The following RGS9 variants were observed in gnomAD, a reference collection of about 807,000 sequenced individuals.
The protein encoded by RGS9 is regulator of G protein signaling 9.
In RGS9, 78 loss-of-function variants were observed where a neutral mutation model predicts 102.0. The ratio of observed to expected loss-of-function variants is 0.76; its 90% CI spans 0.64 to 0.92. RGS9 has a LOEUF of 0.92. RGS9 is among the 40% of genes least tolerant of loss of function. RGS9 has a pLI of 0.00. For missense variants in RGS9, 833 were observed against 866.1 expected (o/e 0.96, Z 0.48); for synonymous variants, 353 against 318.6 (o/e 1.11, Z -1.15).
chr17:65,213,023 G>A (rs1338475434), intron 17 of RGS9, among the ~76,000 whole-genome samples: 2 of 152,202 alleles, frequency 1.3e-5, no homozygotes, highest in Non-Finnish European at 2.9e-5. Flanking sequence ...AAGCCTCCTG[G>A]TTCCTGTTCC....
At chr17:65,215,329 G>A (rs920264878) in intron 17 of RGS9, among the ~76,000 whole-genome samples, 3 of 152,136 alleles carry the variant, frequency 2.0e-5, no homozygotes, top group African/African-American at 7.2e-5. Context: ...CAAGGGTGAT[G>A]TTAAGAAAGG....
chr17:65,212,696 C>A (rs187447828), intron 17 of RGS9, among the ~76,000 whole-genome samples: 1 of 152,272 alleles, frequency 6.6e-6, no homozygotes, highest in East Asian at 1.9e-4. Flanking sequence ...ATGATTCTAG[C>A]CCAGAAGAGG....
At chr17:65,152,099 G>A (rs1471494009) in intron 1 of RGS9, among the ~76,000 whole-genome samples, 1 of 152,218 alleles carries the variant, frequency 6.6e-6, no homozygotes, top group East Asian at 1.9e-4. Context: ...AGTGCCAAGG[G>A]TGGAGTTCAG....
chr17:65,204,425 A>G, intron 15 of RGS9, 124 bp downstream of exon 15: 1 of 1,210,568 alleles, frequency 8.3e-7, no homozygotes, highest in South Asian at 1.3e-5. Flanking sequence ...CGGTTGTGGC[A>G]TGCAGCTAAG....
chr17:65,219,919 CCAT>C (rs1913645119), intron 17 of RGS9, among the ~76,000 whole-genome samples: 1 of 151,866 alleles, frequency 6.6e-6, no homozygotes. Context: ...ACCATCACCA[CCAT>C]ATCATTATTA....
chr17:65,218,105 A>G (rs1913578212), intron 17 of RGS9, among the ~76,000 whole-genome samples: 1 of 152,176 alleles, frequency 6.6e-6, no homozygotes, highest in South Asian at 2.1e-4. Context: ...GAGAGGGAAG[A>G]AGTGTCTCCT....
intron 8 of RGS9, among the ~76,000 whole-genome samples, chr17:65,172,137 T>C (rs895282348): frequency 2.0e-5 from 3 of 152,252 alleles, no homozygotes; most frequent in African/African-American, 7.2e-5. Context: ...ATTGTGAAGC[T>C]ATTCAAATAA....
chr17:65,146,474 G>A (rs1402477963), intron 1 of RGS9, among the ~76,000 whole-genome samples: 1 of 151,802 alleles, frequency 6.6e-6, no homozygotes, highest in Non-Finnish European at 1.5e-5. Context: ...TGTAGTCCCA[G>A]CTACTTGGGA....
chr17:65,162,638 AT>A (rs561339407), intron 6 of RGS9, among the ~76,000 whole-genome samples: 199 of 139,196 alleles, frequency 1.4e-3, no homozygotes, highest in Non-Finnish European at 1.3e-3. Flanking sequence ...AATTTTTTGT[AT>A]TTTTTTTTTT....
intron 6 of RGS9, among the ~76,000 whole-genome samples, chr17:65,161,253 GT>G (rs199539164): frequency 2.6e-5 from 4 of 151,994 alleles, no homozygotes; most frequent in Admixed American, 6.6e-5. Flanking sequence ...AACTTGAATT[GT>G]TTTTTTTGTT....
At chr17:65,225,893 G>GC (rs1259661632) in intron 18 of RGS9, among the ~76,000 whole-genome samples, 1 of 152,182 alleles carries the variant, frequency 6.6e-6, no homozygotes, top group East Asian at 1.9e-4. Flanking sequence ...GGGTGCTCCA[G>GC]CCCCTCCCTC....
Position 65,170,332 on chromosome 17 carries a change from C to T in RGS9, c.582+2051C>T, listed in dbSNP as rs1371998848. Among the ~76,000 whole-genome samples, 9 of 152,266 alleles carry T rather than the reference C, an allele frequency of 5.9e-5. 1 individual carries two copies. The highest frequency in any genetic ancestry group is 6.8e-3 in the Middle Eastern group (2 of 294). ...CCTCCCAAAGTGCTGGGATTACAGG[C>T]GTGAGCCACCGCGCCTGGCCGCCTT... is the stretch of plus-strand genomic sequence containing the variant. On this transcript the variant is annotated intron_variant, in intron 8 of 18. Coordinates refer to ENST00000262406, the MANE Select transcript of RGS9 (RefSeq NM_003835.4).
At chr17:65,207,329 G>A (rs1190986596) in intron 15 of RGS9, among the ~76,000 whole-genome samples, 2 of 152,122 alleles carry the variant, frequency 1.3e-5, no homozygotes, top group African/African-American at 4.8e-5. Context: ...TCATGTGTAG[G>A]GTTACAGACT....
intron 18 of RGS9, 62 bp downstream of exon 18, chr17:65,225,548 T>G: frequency 6.3e-7 from 1 of 1,597,590 alleles, no homozygotes; most frequent in East Asian, 2.2e-5. Context: ...GGCCTCTGCA[T>G]GTGAATATGC....
chr17:65,227,353 G>A lies in RGS9; in HGVS notation c.1971G>A (p.Glu657=), dbSNP rs563550581. The A allele has an allele frequency of 6.2e-7, 1 of 1,614,238 alleles. No individual in the cohort carries two copies. Among genetic ancestry groups the A allele is most frequent in the South Asian group, 1.1e-5 (1 of 91,088 alleles). ...LMDSEDAGTG[E]SGDRATEKEV... ...ACTCGGAGGATGCTGGAACAGGAGAGTCGGGTGACCGGGCCACAGAAAAGG... is the reference window on the plus strand; with the variant it reads ...ACTCGGAGGATGCTGGAACAGGAGAATCGGGTGACCGGGCCACAGAAAAGG... Residue 657 remains glutamate, a synonymous_variant, in exon 19 of 19, where the codon GAG becomes GAA. Transcript: ENST00000262406.
chr17:65,188,365 G>A (rs141151711), intron 9 of RGS9, among the ~76,000 whole-genome samples: 29 of 152,310 alleles, frequency 1.9e-4, no homozygotes, highest in African/African-American at 6.7e-4. Context: ...TCAGCAAGGG[G>A]ATGGGGCCTG....
chr17:65,208,722 T>TC (rs1030041524), intron 16 of RGS9, among the ~76,000 whole-genome samples: 5 of 151,842 alleles, frequency 3.3e-5, no homozygotes, highest in African/African-American at 4.8e-5. Flanking sequence ...GTGTGTCCTG[T>TC]CCCCCCCAAA....
rs201763809 is a variant in RGS9, at chr17:65,227,298, T to C, written c.1916T>C (p.Val639Ala). 3.5e-5 allele frequency: 57 copies of C among 1,614,020 alleles called. No homozygotes were observed. The African/African-American group carries it at 6.8e-4, about 19-fold the overall frequency. ...AGCTTTTTCCAGATCAAAATGGATG[T>C]GCCCACGGGGAGCGGGACCTGCTTG... is the stretch of plus-strand genomic sequence containing the variant. ...VANFFQIKMD[V>A]PTGSGTCLMD... Residue 639 changes from valine to alanine, a missense_variant, in exon 19 of 19, where the codon GTG becomes GCG. Val to Ala is a moderately conservative substitution (Grantham distance 64). Transcript: ENST00000262406.
In RGS9 at chr17:65,200,991, AT is replaced by A. The variant is rs550765157; in HGVS notation, c.977-1001del. 9.2e-4 allele frequency among the ~76,000 whole-genome samples: 140 copies of A among 152,306 alleles called. 1 individual carries two copies. Among genetic ancestry groups the A allele is most frequent in the African/African-American group, 3.2e-3 (131 of 41,556 alleles). On this transcript the variant is annotated intron_variant, in intron 13 of 18. Transcript: ENST00000262406. ...GTTAAGTTTTTGGATTTTCTACTGC[AT>A]AATGGTCTGCGCCCTAACCCCTTAA...
Sources: gnomAD v4.1 joint callset for allele counts (sites outside exome capture counted in the v4.1 genomes callset) on GRCh38, gnomAD v4.1.1 for gene constraint, MANE v1.5 for transcripts, NCBI Gene and HGNC (gene_info 2026-07-23, HGNC 2026-07-21) for gene names.